DGKB: variants seen among roughly 807,000 people sequenced by gnomAD.
The protein encoded by DGKB is diacylglycerol kinase beta.
In DGKB, 67 loss-of-function variants were observed where a neutral mutation model predicts 114.3. The ratio of observed to expected loss-of-function variants is 0.59; its 90% confidence interval spans 0.48 to 0.72. DGKB has a LOEUF of 0.72. Among genes scored for constraint, DGKB ranks in the 30% least tolerant of loss-of-function variants. DGKB has a pLI of 0.00. For missense variants in DGKB, 907 were observed against 975.2 expected, an observed-to-expected ratio of 0.93 and a Z score of 0.93; for synonymous variants, 398 against 323.1, an observed-to-expected ratio of 1.23 and a Z score of -2.49.
At chr7:14,946,275 C>G (rs1017059066) in intron 1 of DGKB, among the ~76,000 whole-genome samples, 1 of 151,528 alleles carries the variant, frequency 6.6e-6, no homozygotes, top group Non-Finnish European at 1.5e-5. Context: ...AGAATTTAAT[C>G]TTGACTTTTG....
intron 2 of DGKB, 56 bp downstream of exon 2, chr7:14,841,138 A>G (rs1586845736): frequency 2.1e-6 from 3 of 1,415,790 alleles, no homozygotes; most frequent in African/African-American, 1.4e-5. Flanking sequence ...TAAATAAATG[A>G]TACTTTGTCT....
At chr7:14,951,923 A>T (rs1289119246) in intron 1 of DGKB, among the ~76,000 whole-genome samples, 1 of 152,080 alleles carries the variant, frequency 6.6e-6, no homozygotes. Flanking sequence ...ATCTAAATAA[A>T]AGGAAAGATA....
chr7:14,147,842 A>C lies in DGKB; in HGVS notation c.*1289T>G, dbSNP rs555872379. 73 of 152,428 alleles carry C rather than the reference A, an allele frequency of 4.8e-4. No individual in the cohort carries two copies. Among genetic ancestry groups the C allele is most frequent in the African/African-American group, 1.7e-3 (71 of 41,386 alleles). 9.4% of individuals were successfully genotyped at this position (152,428 alleles called of 1,614,324 possible). ...GTACTGTTCTGTGATTTCTTTAAAC[A>C]GTCAGAGACTCCAACTATGCCATGA... is the stretch of plus-strand genomic sequence containing the variant. On this transcript the variant is annotated 3_prime_UTR_variant, in exon 26 of 26. Transcript: ENST00000402815.
intron 23 of DGKB, 38 bp downstream of exon 23, chr7:14,338,477 T>G (rs888840420): frequency 7.3e-7 from 1 of 1,376,654 alleles, no homozygotes; most frequent in Non-Finnish European, 9.8e-7. Context: ...GAAAACAGGT[T>G]AACAAGCAAT....
chr7:14,304,203 G>A (rs896356096), intron 23 of DGKB, among the ~76,000 whole-genome samples: 6 of 151,894 alleles, frequency 4.0e-5, no homozygotes, highest in African/African-American at 1.4e-4. Flanking sequence ...TTTGCTTCAA[G>A]TTAAAATTAC....
At chr7:14,790,917 T>C (rs765499013) in intron 2 of DGKB, among the ~76,000 whole-genome samples, 22 of 152,340 alleles carry the variant, frequency 1.4e-4, no homozygotes, top group Non-Finnish European at 2.8e-4. Flanking sequence ...ATCTTTGCTA[T>C]GTTTAGACTC....
At chr7:14,597,689 A>G (rs1218084049) in intron 17 of DGKB, among the ~76,000 whole-genome samples, 3 of 152,098 alleles carry the variant, frequency 2.0e-5, no homozygotes, top group Admixed American at 1.3e-4. Context: ...TGGCTGAAGG[A>G]CTGTTGTCCA....
chr7:14,316,857 T>C (rs1424753740), intron 23 of DGKB, among the ~76,000 whole-genome samples: 1 of 138,976 alleles, frequency 7.2e-6, no homozygotes, highest in Admixed American at 7.3e-5. Flanking sequence ...ACCAATATCC[T>C]TGATGAACAT....
chr7:14,923,752 T>C (rs1587389800), intron 1 of DGKB, among the ~76,000 whole-genome samples: 1 of 152,108 alleles, frequency 6.6e-6, no homozygotes, highest in Non-Finnish European at 1.5e-5. Flanking sequence ...CCCAGCACTT[T>C]TGGCGGCCAA....
chr7:14,217,644 A>C (rs1406564435), intron 23 of DGKB, among the ~76,000 whole-genome samples: 1 of 152,058 alleles, frequency 6.6e-6, no homozygotes, highest in Non-Finnish European at 1.5e-5. Context: ...AACAGGCCTC[A>C]AAACAAGCTA....
At chr7:14,803,624 T>G (rs2128056427) in intron 2 of DGKB, among the ~76,000 whole-genome samples, 1 of 152,150 alleles carries the variant, frequency 6.6e-6, no homozygotes, top group Middle Eastern at 3.4e-3. Context: ...ATGTTTGAAT[T>G]TATTATGATT....
At chr7:14,698,058 A>C in intron 8 of DGKB, 37 bp downstream of exon 8, 1 of 1,173,118 alleles carries the variant, frequency 8.5e-7, no homozygotes, top group Non-Finnish European at 1.2e-6. Flanking sequence ...GAGGCCTTCC[A>C]GAATTTAGCC....
intron 23 of DGKB, among the ~76,000 whole-genome samples, chr7:14,189,221 G>A (rs1212757150): frequency 5.3e-5 from 8 of 152,130 alleles, no homozygotes; most frequent in African/African-American, 1.9e-4. Context: ...ACAATTAATG[G>A]CAAAGGAACA....
At chr7:14,699,055 G>C (rs543966608) in intron 7 of DGKB, among the ~76,000 whole-genome samples, 1 of 151,588 alleles carries the variant, frequency 6.6e-6, no homozygotes, top group African/African-American at 2.4e-5. Context: ...GAAGAAATAC[G>C]ATAAAACAGA....
At chr7:14,241,613 T>C (rs1317862565) in intron 23 of DGKB, among the ~76,000 whole-genome samples, 1 of 152,086 alleles carries the variant, frequency 6.6e-6, no homozygotes, top group Non-Finnish European at 1.5e-5. Context: ...ATTTTTTTTG[T>C]AACTGGTTTG....
At chr7:14,286,967 G>T (rs529194705) in intron 23 of DGKB, among the ~76,000 whole-genome samples, 128 of 152,056 alleles carry the variant, frequency 8.4e-4, no homozygotes, top group African/African-American at 2.9e-3. Context: ...CCTATATAAG[G>T]TGATATATAT....
chr7:14,814,654 C>A (rs1211366526), intron 2 of DGKB, among the ~76,000 whole-genome samples: 1 of 152,172 alleles, frequency 6.6e-6, no homozygotes, highest in Non-Finnish European at 1.5e-5. Context: ...TCATTTCCCA[C>A]TCAACATTCA....
intron 5 of DGKB, among the ~76,000 whole-genome samples, chr7:14,732,655 A>C (rs1446581544): frequency 2.6e-5 from 4 of 152,162 alleles, no homozygotes; most frequent in African/African-American, 9.7e-5. Flanking sequence ...TCAGAGTTTA[A>C]TTAATCATTG....
chr7:14,703,258 ATAACTCTGT>A (rs754101133), intron 6 of DGKB, among the ~76,000 whole-genome samples: 1 of 152,242 alleles, frequency 6.6e-6, no homozygotes, highest in Non-Finnish European at 1.5e-5. Flanking sequence ...AGGGACATTT[ATAACTCTGT>A]TAACCCTTAC....
Sources: allele counts gnomAD v4.1 joint callset (sites outside exome capture counted in the v4.1 genomes callset), GRCh38; gene constraint gnomAD v4.1.1; transcripts MANE v1.5; gene names NCBI Gene and HGNC (gene_info 2026-07-23, HGNC 2026-07-21).